The following NCKAP5 variants were observed in gnomAD, a reference collection of about 807,000 sequenced individuals.
NCKAP5 encodes nck-associated protein 5.
In NCKAP5, 92 loss-of-function variants were observed where a neutral mutation model predicts 167.0. The ratio of observed to expected loss-of-function variants is 0.55; its 90% CI spans 0.47 to 0.66. The LOEUF is 0.66. Ranked by LOEUF, NCKAP5 falls within the 30% of genes least tolerant of loss-of-function variation. The probability of loss-of-function intolerance (pLI) is 0.00; values close to 1 mark genes in which losing one functional copy is unlikely to be tolerated. For synonymous variants in NCKAP5, 891 were observed against 877.4 expected, an observed-to-expected ratio of 1.02 and a Z score of -0.27; for missense variants, 2,378 against 2,315.0, an observed-to-expected ratio of 1.03 and a Z score of -0.56.
In NCKAP5 at chr2:132,781,234, AG is replaced by A. The variant is rs755571098; in HGVS notation, c.4872-6del. 1 of 1,610,794 alleles carries A rather than the reference AG, an allele frequency of 6.2e-7. No individual in the cohort carries two copies. Among genetic ancestry groups the A allele is most frequent in the Admixed American group, 1.7e-5 (1 of 59,470 alleles). On this transcript the variant is annotated splice_polypyrimidine_tract_variant and splice_region_variant and intron_variant, in intron 14 of 19. Transcript: ENST00000409261. ...GGAGCTGCTTTCTTATCAACTCTGC[AG>A]GTAGAAAGTGATTCCTCTGATAAGT...
intron 17 of NCKAP5, among the ~76,000 whole-genome samples, chr2:132,730,991 C>A (rs1291521509): frequency 1.3e-5 from 2 of 152,232 alleles, no homozygotes; most frequent in Non-Finnish European, 2.9e-5. Flanking sequence ...CCACTTGCAG[C>A]TCCTTTCTAA....
At chr2:133,674,578 T>G in the NCKAP5 span, among the ~76,000 whole-genome samples, 8 of 151,950 alleles carry the variant, frequency 5.3e-5, no homozygotes, top group African/African-American at 1.9e-4. Context: ...AAATCAGAGC[T>G]CCAGACCAGA....
chr2:133,396,953 A>T (rs1158997423), intron 3 of NCKAP5, among the ~76,000 whole-genome samples: 1 of 152,222 alleles, frequency 6.6e-6, no homozygotes, highest in Non-Finnish European at 1.5e-5. Context: ...AGATAGAGAT[A>T]AAATCCCTAT....
intron 7 of NCKAP5, 86 bp from the exon 8 acceptor site, chr2:132,963,955 C>T (rs919013080): frequency 5.5e-6 from 8 of 1,445,332 alleles, no homozygotes; most frequent in Non-Finnish European, 7.7e-6. Flanking sequence ...GAATCATTCT[C>T]CTGCGTGTGC....
chr2:132,770,426 A>G (rs921755391), intron 16 of NCKAP5, among the ~76,000 whole-genome samples: 4 of 145,530 alleles, frequency 2.7e-5, no homozygotes, highest in Non-Finnish European at 6.1e-5. Flanking sequence ...ATAATATAGT[A>G]TATATATAAT....
intron 6 of NCKAP5, among the ~76,000 whole-genome samples, chr2:133,110,126 A>G (rs2081858628): frequency 6.6e-6 from 1 of 152,206 alleles, no homozygotes; most frequent in South Asian, 2.1e-4. Context: ...CCAGTCTAAT[A>G]CATGCTTAAA....
chr2:133,383,650 A>G (rs1458007042), intron 3 of NCKAP5, among the ~76,000 whole-genome samples: 1 of 152,238 alleles, frequency 6.6e-6, no homozygotes, highest in Non-Finnish European at 1.5e-5. Context: ...ACTGTCTTCC[A>G]CAATGGTTGA....
chr2:133,373,359 AAT>A (rs1315421928), intron 3 of NCKAP5, among the ~76,000 whole-genome samples: 1 of 152,174 alleles, frequency 6.6e-6, no homozygotes, highest in Non-Finnish European at 1.5e-5. Context: ...ACGCCTGGCC[AAT>A]ATATATATGT....
chr2:133,367,506 T>G (rs890693518), intron 3 of NCKAP5, among the ~76,000 whole-genome samples: 2 of 152,194 alleles, frequency 1.3e-5, no homozygotes, highest in Non-Finnish European at 2.9e-5. Flanking sequence ...TGTTGTTGTT[T>G]TTTCAAATTA....
intron 11 of NCKAP5, among the ~76,000 whole-genome samples, chr2:132,814,157 G>A (rs775753724): frequency 3.3e-5 from 5 of 152,194 alleles, no homozygotes; most frequent in African/African-American, 9.7e-5. Context: ...ATACTAAGTT[G>A]TGCATTATCA....
chr2:133,276,948 A>G (rs1349617595), intron 4 of NCKAP5, among the ~76,000 whole-genome samples: 1 of 152,168 alleles, frequency 6.6e-6, no homozygotes, highest in Non-Finnish European at 1.5e-5. Flanking sequence ...AAGATTCTCT[A>G]CACAAGTGTT....
At chr2:133,064,376 C>T (rs111505694) in intron 6 of NCKAP5, among the ~76,000 whole-genome samples, 58 of 152,216 alleles carry the variant, frequency 3.8e-4, no homozygotes, top group African/African-American at 1.3e-3. Context: ...GAGAAGAAAT[C>T]TTCCTAAAAG....
chr2:133,182,867 A>C (rs565332065), intron 5 of NCKAP5, among the ~76,000 whole-genome samples: 2 of 152,282 alleles, frequency 1.3e-5, no homozygotes, highest in South Asian at 2.1e-4. Context: ...TTCTAGCAAG[A>C]TTGCAAAGGA....
At chr2:133,172,036 AG>A (rs1303275673) in intron 5 of NCKAP5, among the ~76,000 whole-genome samples, 1 of 152,192 alleles carries the variant, frequency 6.6e-6, no homozygotes, top group Non-Finnish European at 1.5e-5. Flanking sequence ...CATTTCAGTA[AG>A]TCCTATGGAG....
At chr2:133,406,847 T>C (rs1413098918) in intron 3 of NCKAP5, among the ~76,000 whole-genome samples, 2 of 152,212 alleles carry the variant, frequency 1.3e-5, no homozygotes, top group Non-Finnish European at 2.9e-5. Context: ...GCAAAGTCTA[T>C]ATTCAAGCCC....
chr2:132,713,932 G>T (rs1218596773), intron 19 of NCKAP5, among the ~76,000 whole-genome samples: 2 of 152,142 alleles, frequency 1.3e-5, no homozygotes, highest in East Asian at 3.8e-4. Flanking sequence ...TAAAGAGTGT[G>T]TTGATTTATT....
chr2:133,254,324 CA>C (rs1177439077), intron 4 of NCKAP5, among the ~76,000 whole-genome samples: 2 of 152,064 alleles, frequency 1.3e-5, no homozygotes, highest in East Asian at 3.9e-4. Context: ...GGGAAAAAGA[CA>C]CCCAGTCACC....
chr2:133,470,882 C>G (rs568826541), intron 3 of NCKAP5, among the ~76,000 whole-genome samples: 3 of 152,242 alleles, frequency 2.0e-5, no homozygotes, highest in Non-Finnish European at 4.4e-5. Context: ...GCGCATGGTG[C>G]GCGCACCCAC....
intron 6 of NCKAP5, among the ~76,000 whole-genome samples, chr2:133,114,964 T>C (rs2082025937): frequency 6.6e-6 from 1 of 152,188 alleles, no homozygotes; most frequent in Non-Finnish European, 1.5e-5. Flanking sequence ...AAATAGCTTC[T>C]AATTATATTC....
Sources: allele counts gnomAD v4.1 joint callset (sites outside exome capture counted in the v4.1 genomes callset), GRCh38; gene constraint gnomAD v4.1.1; transcripts MANE v1.5; gene names NCBI Gene and HGNC (gene_info 2026-07-23, HGNC 2026-07-21).